The following SOX6 variants were observed in gnomAD, a reference collection of about 807,000 sequenced individuals.
SOX6 encodes the protein transcription factor SOX-6.
SOX6 carries 11 observed loss-of-function variants against 97.8 expected under a neutral mutation model. That is an observed-to-expected ratio of 0.11 (90% confidence interval 0.07 to 0.19). The LOEUF (loss-of-function observed/expected upper bound fraction) is 0.19. Ranked by LOEUF, SOX6 falls within the 10% of genes least tolerant of loss-of-function variation. The pLI is 1.00. For missense variants in SOX6, 810 were observed against 1,039.5 expected, an observed-to-expected ratio of 0.78 and a Z score of 3.04; for synonymous variants, 360 against 371.4, an observed-to-expected ratio of 0.97 and a Z score of 0.35.
At chr11:16,541,542 G>T (rs1182990561) in intron 4 of SOX6, among the ~76,000 whole-genome samples, 6 of 152,048 alleles carry the variant, frequency 3.9e-5, no homozygotes, top group Non-Finnish European at 8.8e-5. Flanking sequence ...CTATAGAATG[G>T]GAGAAAATTT....
intron 1 of SOX6, among the ~76,000 whole-genome samples, chr11:16,450,010 C>T (rs899934595): frequency 6.6e-6 from 1 of 152,118 alleles, no homozygotes; most frequent in Admixed American, 6.5e-5. Flanking sequence ...GCCCAAGGAA[C>T]CAAATCACCA....
intron 1 of SOX6, among the ~76,000 whole-genome samples, chr11:16,441,948 C>T (rs901403009): frequency 2.6e-5 from 4 of 152,156 alleles, no homozygotes; most frequent in African/African-American, 9.7e-5. Flanking sequence ...TTGGGTGCAA[C>T]AAACTTTAAA....
chr11:16,327,928 T>C (rs1856151072), intron 2 of SOX6, among the ~76,000 whole-genome samples: 1 of 152,158 alleles, frequency 6.6e-6, no homozygotes, highest in Non-Finnish European at 1.5e-5. Context: ...AACAGAATAC[T>C]ATTCACTTGT....
intron 3 of SOX6, among the ~76,000 whole-genome samples, chr11:16,295,957 G>A (rs1855071594): frequency 6.6e-6 from 1 of 151,988 alleles, no homozygotes; most frequent in South Asian, 2.1e-4. Context: ...TATTTAGTGA[G>A]GCATCACTGG....
chr11:16,012,779 C>T (rs1854771457), intron 13 of SOX6, among the ~76,000 whole-genome samples: 1 of 152,046 alleles, frequency 6.6e-6, no homozygotes. Context: ...TCAGTTTTCT[C>T]ACCTGTAAAA....
intron 6 of SOX6, among the ~76,000 whole-genome samples, chr11:16,132,417 GAAAGAAA>G (rs1849815489): frequency 2.1e-5 from 2 of 95,962 alleles, no homozygotes; most frequent in Non-Finnish European, 3.8e-5. Flanking sequence ...AAGAAAGAAA[GAAAGAAA>G]GAAAGAAAGA....
rs1853309306 is a variant in SOX6, at chr11:15,971,431, C to T, written c.*1378G>A. On this transcript the variant is annotated 3_prime_UTR_variant, in exon 16 of 16. Transcript: ENST00000683767. ...GGGCTTCAGGTTTGGCCGCAGGACT[C>T]TCCTGCCTGGCAGTCACCACTGTTG... The T allele has an allele frequency of 6.5e-6, 1 of 152,676 alleles. No individual in the cohort carries two copies. The highest frequency in any genetic ancestry group is 1.5e-5 in the Non-Finnish European group (1 of 68,064). 9.5% of individuals were successfully genotyped at this position (152,676 alleles called of 1,614,324 possible).
intron 1 of SOX6, among the ~76,000 whole-genome samples, chr11:16,386,200 T>C (rs1857979777): frequency 6.6e-6 from 1 of 152,170 alleles, no homozygotes; most frequent in African/African-American, 2.4e-5. Flanking sequence ...GCTTGGAAAG[T>C]GGGATAATAA....
chr11:16,491,982 G>A (rs1860516249), intron 4 of SOX6, among the ~76,000 whole-genome samples: 1 of 152,070 alleles, frequency 6.6e-6, no homozygotes. Flanking sequence ...TGATTTGTAT[G>A]TTTCTGGAGA....
At chr11:16,176,501 T>C (rs1851189756) in intron 6 of SOX6, among the ~76,000 whole-genome samples, 11 of 151,812 alleles carry the variant, frequency 7.2e-5, no homozygotes, top group Admixed American at 6.6e-4. Context: ...CCTCAGGAAG[T>C]AGTATAATTA....
chr11:16,253,492 C>T (rs535631114), intron 3 of SOX6, among the ~76,000 whole-genome samples: 2 of 151,958 alleles, frequency 1.3e-5, no homozygotes. Flanking sequence ...AGAGAGTATG[C>T]AGACACAGGT....
At chr11:16,392,659 G>A (rs1169205772) in intron 1 of SOX6, among the ~76,000 whole-genome samples, 1 of 152,022 alleles carries the variant, frequency 6.6e-6, no homozygotes, top group African/African-American at 2.4e-5. Flanking sequence ...TTATAGTACA[G>A]TTCCACTCAC....
At chr11:16,014,840 G>T in intron 13 of SOX6, 102 bp downstream of exon 13, 1 of 1,062,718 alleles carries the variant, frequency 9.4e-7, no homozygotes, top group Non-Finnish European at 1.4e-6. Flanking sequence ...AAGAAATCTA[G>T]TGATGACTCC....
At chr11:16,097,047 C>T (rs1055961905) in intron 8 of SOX6, among the ~76,000 whole-genome samples, 31 of 151,868 alleles carry the variant, frequency 2.0e-4, no homozygotes, top group African/African-American at 7.2e-4. Context: ...CACTTTCCCC[C>T]CAAGTTTAGC....
intron 7 of SOX6, among the ~76,000 whole-genome samples, chr11:16,104,149 G>T (rs1433843095): frequency 6.6e-6 from 1 of 151,730 alleles, no homozygotes; most frequent in Admixed American, 6.6e-5. Context: ...TTTCTTCCTG[G>T]ACCCCAACAC....
chr11:16,328,478 C>T (rs965718376), intron 2 of SOX6, among the ~76,000 whole-genome samples: 2 of 152,180 alleles, frequency 1.3e-5, no homozygotes, highest in South Asian at 2.1e-4. Flanking sequence ...GGTCACATGG[C>T]TCCCACCACT....
chr11:16,015,833 T>G (rs1201622954), intron 12 of SOX6, among the ~76,000 whole-genome samples: 2 of 152,022 alleles, frequency 1.3e-5, no homozygotes, highest in African/African-American at 4.8e-5. Context: ...TGTCCCCCTC[T>G]CGTCTCCTCA....
chr11:16,456,708 T>G (rs1284509918), intron 1 of SOX6, among the ~76,000 whole-genome samples: 1 of 152,106 alleles, frequency 6.6e-6, no homozygotes. Flanking sequence ...GGCTCCAAAA[T>G]GACAATGGTT....
intron 4 of SOX6, among the ~76,000 whole-genome samples, chr11:16,501,861 G>T (rs9667486): frequency 0.37 from 55,537 of 151,918 alleles, 10,241 homozygotes; most frequent in East Asian, 0.44. Context: ...TACACTGTTG[G>T]TGGGACTGTA....
Sources: gnomAD v4.1 joint callset for allele counts (sites outside exome capture counted in the v4.1 genomes callset) on GRCh38, gnomAD v4.1.1 for gene constraint, MANE v1.5 for transcripts, NCBI Gene and HGNC (gene_info 2026-07-23, HGNC 2026-07-21) for gene names.